The following SSRP1 variants were observed in gnomAD, a reference collection of about 807,000 sequenced individuals.
SSRP1 encodes structure specific recognition protein 1.
A neutral mutation model predicts 84.4 loss-of-function variants in SSRP1; 21 were observed. The ratio of observed to expected loss-of-function variants is 0.25; its 90% CI spans 0.18 to 0.36. The LOEUF is 0.36. SSRP1 is among the 10% of genes least tolerant of loss of function. SSRP1 has a pLI of 1.00. For missense variants in SSRP1, 519 were observed against 900.8 expected (o/e 0.58, Z 5.43); for synonymous variants, 319 against 318.3 (o/e 1.00, Z -0.02).
intron 13 of SSRP1, 133 bp from the exon 14 acceptor site, chr11:57,328,015 A>G (rs992896306): frequency 1.3e-5 from 15 of 1,131,284 alleles, no homozygotes; most frequent in Non-Finnish European, 1.7e-5. Context: ...AGAGCTCCCT[A>G]AGGGCAAGGA....
rs2134388608 is a variant in SSRP1, at chr11:57,330,615, C to T, written c.1297-186G>A. 2 of 1,434,730 alleles carry T rather than the reference C, an allele frequency of 1.4e-6. No homozygotes were observed. Among genetic ancestry groups the T allele is most frequent in the East Asian group, 2.5e-5 (1 of 40,276 alleles). 88.9% of individuals were successfully genotyped at this position (1,434,730 alleles called of 1,614,324 possible). ...AGTACTTCCTGCCAACTGGGTTAGT[C>T]CAAGCCCCAAGCCCCTCCCTCTCCC... On this transcript the variant is annotated intron_variant, in intron 10 of 16. Transcript: ENST00000278412. The surrounding 1 kb of genome is among the most constrained non-coding windows in gnomAD (Gnocchi z 4.0).
chr11:57,332,581 T>TA lies in SSRP1; in HGVS notation c.768+43dup. ...CAGTGAGATCCATCTACTTAACACT[T>TA]AGGCAAAAACCAGGATTATCCGGCC... On this transcript the variant is annotated intron_variant, in intron 6 of 16. Transcript: ENST00000278412. The surrounding 1 kb of genome is among the most constrained non-coding windows in gnomAD (Gnocchi z 5.5). 6.2e-7 allele frequency: 1 copy of TA among 1,604,988 alleles called. No homozygotes were observed. The highest frequency in any genetic ancestry group is 8.5e-7 in the Non-Finnish European group (1 of 1,173,070).
intron 2 of SSRP1, 77 bp downstream of exon 2, chr11:57,334,991 C>T: frequency 2.6e-6 from 4 of 1,542,576 alleles, no homozygotes; most frequent in Non-Finnish European, 3.6e-6. Context: ...GTTACCAAAG[C>T]AAGCTCTCAT....
intron 3 of SSRP1, 132 bp downstream of exon 3, chr11:57,334,331 G>C: frequency 1.0e-6 from 1 of 980,172 alleles, no homozygotes; most frequent in South Asian, 1.6e-5. Flanking sequence ...TTGCCTGATG[G>C]CCTCACAGCC....
rs762062137 is a variant in SSRP1, at chr11:57,330,811, T to C, written c.1296+44A>G. 15 of 1,613,948 alleles carry C rather than the reference T, an allele frequency of 9.3e-6. No homozygotes were observed. The highest frequency in any genetic ancestry group is 1.3e-5 in the African/African-American group (1 of 75,046). On this transcript the variant is annotated intron_variant, in intron 10 of 16. Transcript: ENST00000278412. The surrounding 1 kb of genome is among the most constrained non-coding windows in gnomAD (Gnocchi z 4.0). ...AAAATCTCCACCCCTTTCTCCCCTA[T>C]AGAAAGACCAGGAGAGGGTCTCATC...
In SSRP1 at chr11:57,332,116, C is replaced by G. The variant is rs371276004; in HGVS notation, c.1001+36G>C. On this transcript the variant is annotated intron_variant, in intron 8 of 16. Transcript: ENST00000278412. The surrounding 1 kb of genome is among the most constrained non-coding windows in gnomAD (Gnocchi z 5.5). ...CCAAGGAGACACGGCATTTCCCATA[C>G]CCAGGCAGGGCAGGATCCCAGGCCC... is the stretch of plus-strand genomic sequence containing the variant. 139 of 1,612,094 alleles carry G rather than the reference C, an allele frequency of 8.6e-5. No homozygotes were observed. Among genetic ancestry groups the G allele is most frequent in the Non-Finnish European group, 1.1e-4 (132 of 1,179,756 alleles).
In SSRP1 at chr11:57,326,583, C is replaced by A. The variant is rs968762751; in HGVS notation, c.2059-105G>T. On this transcript the variant is annotated intron_variant, in intron 16 of 16. Coordinates refer to ENST00000278412, the MANE Select transcript of SSRP1 (RefSeq NM_003146.3). ...CCTACCGCCCCCAACTACAGCACCC[C>A]CCTTCAGAACCTCAGAATTCCACCA... 1.9e-4 allele frequency: 299 copies of A among 1,588,422 alleles called. 1 individual carries two copies. Among genetic ancestry groups the A allele is most frequent in the South Asian group, 6.4e-4 (57 of 88,420 alleles).
chr11:57,330,982 A>C lies in SSRP1; in HGVS notation c.1224-55T>G. ...AGAGGTAGTGCCAACACAGGGGCAC[A>C]CTAAACAATGTTCTGATTCCATGAG... On this transcript the variant is annotated intron_variant, in intron 9 of 16. Transcript: ENST00000278412. This position sits in a 1 kb window ranked among gnomAD's most constrained non-coding sequence, Gnocchi z 4.0. 13 of 1,579,516 alleles carry C rather than the reference A, an allele frequency of 8.2e-6. No individual in the cohort carries two copies. The highest frequency in any genetic ancestry group is 1.0e-5 in the Non-Finnish European group (12 of 1,148,760).
chr11:57,332,118 C>G lies in SSRP1; in HGVS notation c.1001+34G>C. ...AAGGAGACACGGCATTTCCCATACCCAGGCAGGGCAGGATCCCAGGCCCAC... is the reference window on the plus strand; with the variant it reads ...AAGGAGACACGGCATTTCCCATACCGAGGCAGGGCAGGATCCCAGGCCCAC... On this transcript the variant is annotated intron_variant, in intron 8 of 16. Coordinates refer to ENST00000278412, the MANE Select transcript of SSRP1 (RefSeq NM_003146.3). This position sits in a 1 kb window ranked among gnomAD's most constrained non-coding sequence, Gnocchi z 5.5. The G allele has an allele frequency of 6.2e-7, 1 of 1,612,276 alleles. No individual in the cohort carries two copies. The highest frequency in any genetic ancestry group is 8.5e-7 in the Non-Finnish European group (1 of 1,179,770).
chr11:57,331,455 T>G (rs953850369), intron 9 of SSRP1, among the ~76,000 whole-genome samples: 1 of 151,978 alleles, frequency 6.6e-6, no homozygotes, highest in Non-Finnish European at 1.5e-5. Context: ...AAGTTTTTTT[T>G]GTTTTGTTTT....
intron 3 of SSRP1, among the ~76,000 whole-genome samples, chr11:57,334,168 A>G (rs574805136): frequency 6.6e-6 from 1 of 152,188 alleles, no homozygotes; most frequent in Admixed American, 6.5e-5. Flanking sequence ...AAAACCAAAA[A>G]CACACATACA....
intron 2 of SSRP1, 129 bp downstream of exon 2, chr11:57,334,939 A>G (rs1590613164): frequency 3.7e-6 from 4 of 1,083,870 alleles, no homozygotes; most frequent in Non-Finnish European, 4.2e-6. Context: ...TGGTGGAGAC[A>G]CTAGGTACAC....
chr11:57,332,966 G>A lies in SSRP1; in HGVS notation c.530C>T (p.Pro177Leu). The change falls in exon 5 of 17, where the codon CCT becomes CTT. Residue 177 changes from proline to leucine, a missense_variant. This residue lies in a region of SSRP1 where 159 missense variants were observed against 359.0 expected (regional missense o/e 0.44). Transcript: ENST00000278412. This position sits in a 1 kb window ranked among gnomAD's most constrained non-coding sequence, Gnocchi z 5.5. The part of the protein sequence containing the change: ...VPPTQEDGVD[P>L]VEAFAQNVLS... Reference sequence around the variant, plus strand: ...AACCAGGGGAAGCCTCACCTCAACAGGGTCCACACCATCCTCCTGGGTGGG... The same window carrying A: ...AACCAGGGGAAGCCTCACCTCAACAAGGTCCACACCATCCTCCTGGGTGGG... 1.2e-6 allele frequency: 2 copies of A among 1,610,362 alleles called. No homozygotes were observed.
At chr11:57,329,523 TG>T (rs1399880060) in intron 12 of SSRP1, 1 of 160,976 alleles carries the variant, frequency 6.2e-6, no homozygotes, top group Non-Finnish European at 1.4e-5. Flanking sequence ...GGGCACCCCA[TG>T]GGGTAAACCT....
At position 57,326,189 on chromosome 11, in the gene SSRP1, C is replaced by A; in HGVS notation, c.*218G>T. The A allele has an allele frequency of 1.7e-6, 1 of 595,742 alleles. No individual in the cohort carries two copies. The allele number at this position is 595,742 out of a possible 1,614,324, so 36.9% of individuals were successfully genotyped here. A position where few individuals can be genotyped will look rare whatever the true frequency, so the allele number is the denominator to read the frequency against. On this transcript the variant is annotated 3_prime_UTR_variant, in exon 17 of 17. Coordinates refer to ENST00000278412, the MANE Select transcript of SSRP1 (RefSeq NM_003146.3). ...TTGGATCCTGCATTGCCCTGCCTCCCACCCTATCTCTCCCCAAATTATAAA... is the reference window on the plus strand; with the variant it reads ...TTGGATCCTGCATTGCCCTGCCTCCAACCCTATCTCTCCCCAAATTATAAA...
In SSRP1 at chr11:57,331,870, T is replaced by C; in HGVS notation, c.1021A>G (p.Ile341Val). 2 of 1,613,058 alleles carry C rather than the reference T, an allele frequency of 1.2e-6. No homozygotes were observed. The highest frequency in any genetic ancestry group is 2.2e-5 in the East Asian group (1 of 44,856). ...GAGCTTGCCTTGTAGGAACAGGTAA[T>C]GCACTGGGCCCCTGAGTGCCTGACA... ...NFQGHSGAQC[I>V]TCSYKASSGL... Residue 341 changes from isoleucine (I) to valine (V), a missense_variant, in exon 9 of 17, where the codon ATT (isoleucine) becomes GTT (valine). Ile to Val is a conservative substitution (Grantham distance 29). This residue lies in a region of SSRP1 where 159 missense variants were observed against 359.0 expected (regional missense o/e 0.44). Coordinates refer to ENST00000278412, the MANE Select transcript of SSRP1 (RefSeq NM_003146.3).
rs978591888 is a variant in SSRP1, at chr11:57,333,287, T to C, written c.347-138A>G. The C allele has an allele frequency of 4.5e-6, 5 of 1,112,844 alleles. No homozygotes were observed. The East Asian group carries it at 7.2e-5, about 16-fold the overall frequency. The allele number at this position is 1,112,844 out of a possible 1,614,324, so 68.9% of individuals were successfully genotyped here. On this transcript the variant is annotated intron_variant, in intron 4 of 16. Coordinates refer to ENST00000278412, the MANE Select transcript of SSRP1 (RefSeq NM_003146.3). ...ACTATAACCCCAACCCCAGGCAGTA[T>C]ACTGTAGGTACTCAATAAACACATG...
Position 57,330,277 on chromosome 11 carries a change from G to T in SSRP1, c.1435+14C>A. 6.2e-7 allele frequency: 1 copy of T among 1,614,206 alleles called. No homozygotes were observed. Among genetic ancestry groups the T allele is most frequent in the Non-Finnish European group, 8.5e-7 (1 of 1,180,038 alleles). On this transcript the variant is annotated intron_variant, in intron 11 of 16. Coordinates refer to ENST00000278412, the MANE Select transcript of SSRP1 (RefSeq NM_003146.3). The surrounding 1 kb of genome is among the most constrained non-coding windows in gnomAD (Gnocchi z 4.0). ...GTCTGACCATCCTCGTGCTCAGCAC[G>T]GAGGCTAACCCACCGGTTTCTTCTC...
At position 57,328,315 on chromosome 11, in the gene SSRP1, G is replaced by C; in HGVS notation, c.1593C>G (p.Ser531Arg). ...TCTGCACCTCCACAGGCTTCTTGCG[G>C]CTCTTGCGGTCCTTGGCCATCTTGG... The part of the protein sequence containing the change: ...KKAKMAKDRK[S>R]RKKPVEVKKG... The change falls in exon 13 of 17, where the codon AGC becomes AGG. Residue 531 changes from serine (S) to arginine (R), a missense_variant. This residue lies in a region of SSRP1 where 197 missense variants were observed against 265.0 expected (regional missense o/e 0.74). Coordinates refer to ENST00000278412, the MANE Select transcript of SSRP1 (RefSeq NM_003146.3). 1 of 1,614,192 alleles carries C rather than the reference G, an allele frequency of 6.2e-7. No individual in the cohort carries two copies. The highest frequency in any genetic ancestry group is 1.1e-5 in the South Asian group (1 of 91,080).
Sources: allele counts gnomAD v4.1 joint callset (sites outside exome capture counted in the v4.1 genomes callset), GRCh38; gene constraint gnomAD v4.1.1; regional missense constraint gnomAD v4.1.1; non-coding constraint Gnocchi (gnomAD v3.1); transcripts MANE v1.5; gene names NCBI Gene and HGNC (gene_info 2026-07-23, HGNC 2026-07-21).